The following HS6ST3 variants were observed in gnomAD, a reference collection of about 807,000 sequenced individuals.
The protein encoded by HS6ST3 is heparan-sulfate 6-O-sulfotransferase 3.
HS6ST3 carries 12 observed loss-of-function variants against 36.7 expected under a neutral mutation model. The ratio of observed to expected loss-of-function variants is 0.33; its 90% CI spans 0.21 to 0.53. The LOEUF (loss-of-function observed/expected upper bound fraction) is 0.53. Ranked by LOEUF, HS6ST3 falls within the 20% of genes least tolerant of loss-of-function variation. HS6ST3 has a pLI of 0.95. For synonymous variants in HS6ST3, 240 were observed against 257.5 expected (o/e 0.93, Z 0.65); for missense variants, 584 against 640.9 (o/e 0.91, Z 0.96).
At chr13:96,234,720 C>A (rs953485901) in intron 1 of HS6ST3, among the ~76,000 whole-genome samples, 1 of 152,066 alleles carries the variant, frequency 6.6e-6, no homozygotes, top group Non-Finnish European at 1.5e-5. Context: ...TCCGATGATA[C>A]GTGGGAATTA....
At chr13:96,160,355 A>G (rs1566896327) in intron 1 of HS6ST3, among the ~76,000 whole-genome samples, 1 of 152,142 alleles carries the variant, frequency 6.6e-6, no homozygotes, top group Non-Finnish European at 1.5e-5. Context: ...GTTTATAATT[A>G]ATTAGTTATG....
chr13:96,789,764 A>T (rs1469059445), intron 1 of HS6ST3, among the ~76,000 whole-genome samples: 6 of 151,140 alleles, frequency 4.0e-5, no homozygotes, highest in East Asian at 1.9e-4. Flanking sequence ...GTTTAGATTT[A>T]AAAAAAAACC....
intron 1 of HS6ST3, among the ~76,000 whole-genome samples, chr13:96,619,607 A>G (rs2056486969): frequency 6.6e-6 from 1 of 152,224 alleles, no homozygotes; most frequent in Admixed American, 6.5e-5. Context: ...TTGAACAGAA[A>G]GTTTCAAACA....
chr13:96,798,301 A>G (rs188860575), intron 1 of HS6ST3, among the ~76,000 whole-genome samples: 12 of 152,134 alleles, frequency 7.9e-5, no homozygotes, highest in Admixed American at 2.0e-4. Flanking sequence ...CATGGGCCCA[A>G]TTGATGAAAC....
chr13:96,362,839 C>T lies in HS6ST3; in HGVS notation c.707+271270C>T, dbSNP rs532723236. Among the ~76,000 whole-genome samples the T allele has an allele frequency of 2.6e-5, 4 of 152,200 alleles. No individual in the cohort carries two copies. In the East Asian group the frequency reaches 7.7e-4, roughly 29 times the overall value. On this transcript the variant is annotated intron_variant, in intron 1 of 1. Transcript: ENST00000376705. Reference sequence around the variant, plus strand: ...AAAAGCAAGCAACTATTGATATATGCAACAAATTTGATGAATTTCAAAGGC... The same window carrying T: ...AAAAGCAAGCAACTATTGATATATGTAACAAATTTGATGAATTTCAAAGGC...
intron 1 of HS6ST3, among the ~76,000 whole-genome samples, chr13:96,380,975 G>C (rs2139446123): frequency 6.6e-6 from 1 of 152,320 alleles, no homozygotes; most frequent in African/African-American, 2.4e-5. Context: ...CATAACAGCT[G>C]AATTCAAGAA....
chr13:96,162,310 A>G (rs943310895), intron 1 of HS6ST3, among the ~76,000 whole-genome samples: 3 of 152,274 alleles, frequency 2.0e-5, no homozygotes, highest in Admixed American at 6.5e-5. Flanking sequence ...AAAGAGCTGA[A>G]TATGTGAGAC....
chr13:96,635,086 G>T (rs1016397622), intron 1 of HS6ST3, among the ~76,000 whole-genome samples: 2 of 152,052 alleles, frequency 1.3e-5, no homozygotes, highest in Non-Finnish European at 2.9e-5. Context: ...AGAAGCTCCC[G>T]TGGTCTTTCA....
At chr13:96,214,117 A>G (rs1162826356) in intron 1 of HS6ST3, among the ~76,000 whole-genome samples, 1 of 152,194 alleles carries the variant, frequency 6.6e-6, no homozygotes, top group Non-Finnish European at 1.5e-5. Context: ...CTTATCCTAC[A>G]TATGCATGTA....
chr13:96,592,705 A>C (rs887288658), intron 1 of HS6ST3, among the ~76,000 whole-genome samples: 1 of 152,036 alleles, frequency 6.6e-6, no homozygotes, highest in Middle Eastern at 3.2e-3. Flanking sequence ...TGGATATACT[A>C]TTTTAGGGTA....
chr13:96,556,961 G>A (rs2056243414), intron 1 of HS6ST3, among the ~76,000 whole-genome samples: 1 of 152,066 alleles, frequency 6.6e-6, no homozygotes, highest in African/African-American at 2.4e-5. Context: ...GCCGTTGTTG[G>A]GTATGCTGCA....
chr13:96,208,715 GAC>G (rs1160155648), intron 1 of HS6ST3, among the ~76,000 whole-genome samples: 1 of 152,164 alleles, frequency 6.6e-6, no homozygotes, highest in East Asian at 1.9e-4. Flanking sequence ...CACAATATTA[GAC>G]AGTGTTAAAT....
At chr13:96,535,998 CCTT>C (rs767210102) in intron 1 of HS6ST3, among the ~76,000 whole-genome samples, 16 of 152,318 alleles carry the variant, frequency 1.1e-4, no homozygotes, top group Non-Finnish European at 2.1e-4. Context: ...ATTTATACCT[CCTT>C]CTTTTTAACC....
chr13:96,832,226 A>C (rs891104634), intron 1 of HS6ST3, among the ~76,000 whole-genome samples: 1 of 152,200 alleles, frequency 6.6e-6, no homozygotes, highest in African/African-American at 2.4e-5. Flanking sequence ...GAATGAATGA[A>C]TGAACTATCT....
intron 1 of HS6ST3, among the ~76,000 whole-genome samples, chr13:96,829,121 C>T (rs989599601): frequency 6.6e-6 from 1 of 152,104 alleles, no homozygotes; most frequent in East Asian, 1.9e-4. Flanking sequence ...TTTTCCTTTT[C>T]TCTCTTAACC....
chr13:96,294,547 A>G (rs1021724187), intron 1 of HS6ST3, among the ~76,000 whole-genome samples: 1 of 152,112 alleles, frequency 6.6e-6, no homozygotes, highest in Non-Finnish European at 1.5e-5. Context: ...TGTTCCCCAC[A>G]TTGTAGAAGA....
intron 1 of HS6ST3, among the ~76,000 whole-genome samples, chr13:96,501,936 A>G (rs903313179): frequency 2.6e-5 from 4 of 152,218 alleles, no homozygotes; most frequent in Non-Finnish European, 5.9e-5. Context: ...AATGAGTCTT[A>G]ATTCATGTTG....
intron 1 of HS6ST3, among the ~76,000 whole-genome samples, chr13:96,460,408 CTT>C (rs749900329): frequency 1.3e-5 from 2 of 152,136 alleles, no homozygotes; most frequent in African/African-American, 2.4e-5. Flanking sequence ...GGTAACTAAA[CTT>C]TATCTTGGAA....
At chr13:96,759,865 T>C (rs1407272860) in intron 1 of HS6ST3, among the ~76,000 whole-genome samples, 2 of 152,024 alleles carry the variant, frequency 1.3e-5, no homozygotes, top group Non-Finnish European at 2.9e-5. Context: ...TCCTAATAAT[T>C]GATTCTTAGC....
Sources: gnomAD v4.1 joint callset for allele counts (sites outside exome capture counted in the v4.1 genomes callset) on GRCh38, gnomAD v4.1.1 for gene constraint, MANE v1.5 for transcripts, NCBI Gene and HGNC (gene_info 2026-07-23, HGNC 2026-07-21) for gene names.